CNKSR2: variants seen among roughly 807,000 people sequenced by gnomAD.
The protein encoded by CNKSR2 is connector enhancer of kinase suppressor of Ras 2.
A neutral mutation model predicts 84.4 loss-of-function variants in CNKSR2; 14 were observed. The ratio of observed to expected loss-of-function variants is 0.17; its 90% confidence interval spans 0.11 to 0.26. The LOEUF is 0.26. Among genes scored for constraint, CNKSR2 ranks in the 10% least tolerant of loss-of-function variants. CNKSR2 has a pLI of 1.00. For missense variants in CNKSR2, 485 were observed against 771.2 expected (o/e 0.63, Z 4.40); for synonymous variants, 275 against 277.9 (o/e 0.99, Z 0.10).
At chrX:21,535,097 G>T (rs1569227316) in intron 11 of CNKSR2, among the ~76,000 whole-genome samples, 1 of 111,056 alleles carries the variant, frequency 9.0e-6, no homozygotes, top group Admixed American at 9.6e-5. Flanking sequence ...TTCTGAATAT[G>T]GATATCCAGT....
rs1056998307 is a variant in CNKSR2 at position 21,374,634 on chromosome X, G to A, written c.-264G>A. The A allele has an allele frequency of 1.5e-5, 8 of 517,997 alleles. 1 individual carries two copies. In the Admixed American group the frequency reaches 2.2e-4, roughly 14 times the overall value. The allele number at this position is 517,997 out of a possible 1,213,427, so 42.7% of individuals were successfully genotyped here. On this transcript the variant is annotated 5_prime_UTR_variant, in exon 1 of 22. Transcript: ENST00000379510. ...AGCAGCAGCAGCAGCAGCAGCAGCC[G>A]CCGCCGCCGCCGCCTTAGCGGGAAC...
intron 5 of CNKSR2, among the ~76,000 whole-genome samples, chrX:21,490,104 ATTT>A (rs753993209): frequency 6.7e-4 from 75 of 111,430 alleles, no homozygotes; most frequent in African/African-American, 2.3e-3. Context: ...AGACTTCGAG[ATTT>A]TTTATAGTGT....
chrX:21,447,830 T>G (rs1392442081), intron 4 of CNKSR2, among the ~76,000 whole-genome samples: 1 of 111,568 alleles, frequency 9.0e-6, no homozygotes, highest in Non-Finnish European at 1.9e-5. Context: ...ATTTAGAAAC[T>G]TTAGGAGTTT....
rs755431549 is a variant in CNKSR2, at chrX:21,648,845, G to A, written c.2707G>A (p.Glu903Lys). ...NIGEKSESREEKLGDSLQDLY... is the reference protein window; with the variant it reads ...NIGEKSESREKKLGDSLQDLY... Reference sequence around the variant, plus strand: ...GGATGTTGCAGGTGAAAGCAGAGAAGAAAAGTTAGGAGACTCATTGCAAGA... The same window carrying A: ...GGATGTTGCAGGTGAAAGCAGAGAAAAAAAGTTAGGAGACTCATTGCAAGA... Residue 903 changes from glutamate to lysine, a missense_variant, in exon 21 of 22, where the codon GAA becomes AAA. By Grantham distance (56) the Glu-to-Lys change is moderately conservative (BLOSUM62 1). Around this residue, in one of 5 missense-constraint regions of CNKSR2, gnomAD observed 210 missense variants for 291.5 expected, o/e 0.72. Coordinates refer to ENST00000379510, the MANE Select transcript of CNKSR2 (RefSeq NM_014927.5). 3.8e-5 allele frequency: 31 copies of A among 808,334 alleles called. No individual in the cohort carries two copies. In the South Asian group the frequency reaches 7.7e-4, roughly 20 times the overall value. 66.6% of individuals were successfully genotyped at this position (808,334 alleles called of 1,213,427 possible). A position where few individuals can be genotyped will look rare whatever the true frequency, so the allele number is the denominator to read the frequency against.
At chrX:21,467,496 C>G (rs765115400) in intron 4 of CNKSR2, among the ~76,000 whole-genome samples, 7 of 111,234 alleles carry the variant, frequency 6.3e-5, no homozygotes, top group Non-Finnish European at 1.1e-4. Context: ...TAGTTTCTTC[C>G]TCCTCTGCTC....
At chrX:21,551,339 A>G (rs1404159548) in intron 11 of CNKSR2, among the ~76,000 whole-genome samples, 2 of 112,454 alleles carry the variant, frequency 1.8e-5, no homozygotes, top group East Asian at 2.8e-4. Context: ...CATTCTGCAC[A>G]TGTATCCCAA....
chrX:21,534,295 G>T (rs113241444), intron 11 of CNKSR2, among the ~76,000 whole-genome samples: 98 of 108,713 alleles, frequency 9.0e-4, no homozygotes, highest in Middle Eastern at 4.7e-3. Flanking sequence ...GTAATATTCT[G>T]ATATATATAT....
chrX:21,567,707 C>G (rs1251086164), intron 13 of CNKSR2, among the ~76,000 whole-genome samples: 2 of 111,084 alleles, frequency 1.8e-5, no homozygotes, highest in Non-Finnish European at 3.8e-5. Context: ...CTTACTGATT[C>G]TGTCTGAAAA....
intron 4 of CNKSR2, among the ~76,000 whole-genome samples, chrX:21,449,791 C>G (rs1450065010): frequency 8.9e-6 from 1 of 111,767 alleles, no homozygotes; most frequent in Non-Finnish European, 1.9e-5. Context: ...TGCATTGGCT[C>G]TTAAAGCTTC....
At chrX:21,616,342 A>G (rs1602037369) in intron 20 of CNKSR2, among the ~76,000 whole-genome samples, 1 of 112,202 alleles carries the variant, frequency 8.9e-6, no homozygotes, top group South Asian at 3.7e-4. Context: ...CCCAGGCACT[A>G]TTGAAAGAAT....
chrX:21,527,609 G>T (rs1006366933), intron 10 of CNKSR2, among the ~76,000 whole-genome samples: 1 of 110,438 alleles, frequency 9.1e-6, no homozygotes, highest in African/African-American at 3.3e-5. Flanking sequence ...TTCATTTATC[G>T]ATTCTTATTT....
chrX:21,649,140 A>C, intron 21 of CNKSR2, 113 bp downstream of exon 21: 1 of 509,165 alleles, frequency 2.0e-6, no homozygotes, highest in Non-Finnish European at 3.3e-6. Flanking sequence ...AAGAAGAGGC[A>C]AGCAGTAAGA....
intron 19 of CNKSR2, among the ~76,000 whole-genome samples, chrX:21,607,544 G>A (rs1320673209): frequency 1.8e-5 from 2 of 111,440 alleles, no homozygotes; most frequent in African/African-American, 6.5e-5. Flanking sequence ...TAGCTCACGC[G>A]TCTAATCCCA....
At chrX:21,576,667 G>A (rs1024291339) in intron 13 of CNKSR2, among the ~76,000 whole-genome samples, 3 of 110,936 alleles carry the variant, frequency 2.7e-5, no homozygotes, top group Non-Finnish European at 5.7e-5. Flanking sequence ...TAAAATAGGC[G>A]ATATCACTAC....
At chrX:21,505,490 G>A (rs2091603782) in intron 8 of CNKSR2, 1 of 111,396 alleles carries the variant, frequency 9.0e-6, no homozygotes, top group African/African-American at 3.3e-5. Context: ...AGTGGTTTTT[G>A]TTACCTCCAA....
At chrX:21,599,214 TTAA>T (rs2092466871) in intron 17 of CNKSR2, among the ~76,000 whole-genome samples, 1 of 112,656 alleles carries the variant, frequency 8.9e-6, no homozygotes, top group African/African-American at 3.2e-5. Context: ...TAGCAGACAC[TTAA>T]TAAATGCTGT....
chrX:21,375,648 C>T (rs895866869), intron 1 of CNKSR2, among the ~76,000 whole-genome samples: 1 of 112,385 alleles, frequency 8.9e-6, no homozygotes, highest in Non-Finnish European at 1.9e-5. Flanking sequence ...TCTCTGCTTT[C>T]TCCCTTTCAA....
chrX:21,605,167 G>A (rs1282404207), intron 18 of CNKSR2, among the ~76,000 whole-genome samples: 2 of 111,525 alleles, frequency 1.8e-5, no homozygotes, highest in African/African-American at 6.5e-5. Flanking sequence ...ATGGGAAGTG[G>A]TCTAGCTAAG....
At chrX:21,647,582 G>A (rs773058135) in intron 20 of CNKSR2, among the ~76,000 whole-genome samples, 41 of 111,676 alleles carry the variant, frequency 3.7e-4, no homozygotes, top group African/African-American at 1.2e-3. Flanking sequence ...TTCTAGCTCC[G>A]CCACTTACTA....
Sources: allele counts gnomAD v4.1 joint callset (sites outside exome capture counted in the v4.1 genomes callset), GRCh38; gene constraint gnomAD v4.1.1; regional missense constraint gnomAD v4.1.1; transcripts MANE v1.5; gene names NCBI Gene and HGNC (gene_info 2026-07-23, HGNC 2026-07-21).